Variants in MYOF observed in about 807,000 individuals in gnomAD.
The protein encoded by MYOF is fer-1-like 3, myoferlin.
A neutral mutation model predicts 284.2 loss-of-function variants in MYOF; 244 were observed. The ratio of observed to expected loss-of-function variants is 0.86; its 90% CI spans 0.77 to 0.95. The LOEUF is 0.95. MYOF is among the 40% of genes least tolerant of loss of function. MYOF has a pLI of 0.00. For missense variants in MYOF, 2,496 were observed against 2,560.6 expected, an observed-to-expected ratio of 0.97 and a Z score of 0.54; for synonymous variants, 904 against 919.7, an observed-to-expected ratio of 0.98 and a Z score of 0.31.
intron 37 of MYOF, among the ~76,000 whole-genome samples, chr10:93,344,327 A>G (rs1844069641): frequency 6.6e-6 from 1 of 152,094 alleles, no homozygotes; most frequent in Non-Finnish European, 1.5e-5. Context: ...GATGAATTAT[A>G]TGGTTGTGAA....
rs1184793252 is a variant in MYOF, at chr10:93,351,681, A to AAGTTATCATGCC, written c.3646_3647insGGCATGATAACT (p.Leu1215_Phe1216insTrpHisAspAsn). 3 of 1,585,712 alleles carry AAGTTATCATGCC rather than the reference A, an allele frequency of 1.9e-6. No individual in the cohort carries two copies. The African/African-American group carries it at 4.1e-5, about 22-fold the overall frequency. On this transcript the variant is annotated inframe_insertion, in exon 33 of 54. Coordinates refer to ENST00000359263, the MANE Select transcript of MYOF (RefSeq NM_013451.4). ...ACGACCTACCACTTGGTCATTGTCA[A>AAGTTATCATGCC]AAAGTTCCATGATAACTTTGGGTGG...
chr10:93,345,912 T>C lies in MYOF; in HGVS notation c.4249+1705A>G, dbSNP rs1306061313. Among the ~76,000 whole-genome samples the C allele has an allele frequency of 2.0e-5, 3 of 152,122 alleles. No homozygotes were observed. In the East Asian group the frequency reaches 5.8e-4, roughly 29 times the overall value. Reference sequence around the variant, plus strand: ...TTAGACCCAGCCCACCCCTGAGCAATAGACACAAACAGGTCCACGTAAGTG... The same window carrying C: ...TTAGACCCAGCCCACCCCTGAGCAACAGACACAAACAGGTCCACGTAAGTG... On this transcript the variant is annotated intron_variant, in intron 37 of 53. Transcript: ENST00000359263.
intron 22 of MYOF, among the ~76,000 whole-genome samples, chr10:93,375,730 C>T (rs183035749): frequency 1.3e-5 from 2 of 152,188 alleles, no homozygotes; most frequent in African/African-American, 4.8e-5. Flanking sequence ...TTTATTATCA[C>T]CATCATCTCA....
intron 12 of MYOF, among the ~76,000 whole-genome samples, chr10:93,400,364 C>T (rs1355625462): frequency 1.4e-5 from 2 of 140,284 alleles, no homozygotes; most frequent in African/African-American, 5.3e-5. Context: ...AGTAGTCTTG[C>T]TATGTTGCCC....
intron 12 of MYOF, among the ~76,000 whole-genome samples, chr10:93,400,045 T>C (rs867578717): frequency 2.6e-5 from 4 of 151,872 alleles, no homozygotes; most frequent in Middle Eastern, 3.2e-3. Context: ...TAAAATAAAA[T>C]AAAACAAAAA....
At chr10:93,460,850 C>T (rs756718027) in intron 1 of MYOF, among the ~76,000 whole-genome samples, 1 of 151,580 alleles carries the variant, frequency 6.6e-6, no homozygotes, top group Non-Finnish European at 1.5e-5. Context: ...AATCCCAGCA[C>T]TGTGGGAGGC....
chr10:93,366,932 C>G lies in MYOF; in HGVS notation c.2590-377G>C, dbSNP rs940526967. Reference sequence around the variant, plus strand: ...TTCGCGAACCTTATCTTTTAAATACCTATGAAAGTCCTCAGCTTATGAATG... The same window carrying G: ...TTCGCGAACCTTATCTTTTAAATACGTATGAAAGTCCTCAGCTTATGAATG... On this transcript the variant is annotated intron_variant, in intron 25 of 53. Coordinates refer to ENST00000359263, the MANE Select transcript of MYOF (RefSeq NM_013451.4). Among the ~76,000 whole-genome samples, 14 of 152,090 alleles carry G rather than the reference C, an allele frequency of 9.2e-5. No individual in the cohort carries two copies. In the East Asian group the frequency reaches 2.7e-3, roughly 29 times the overall value.
At chr10:93,384,057 C>T (rs896011382) in intron 19 of MYOF, among the ~76,000 whole-genome samples, 3 of 152,170 alleles carry the variant, frequency 2.0e-5, no homozygotes, top group Non-Finnish European at 4.4e-5. Flanking sequence ...CAGCACAATT[C>T]CCAACAGAGA....
At chr10:93,313,972 A>G (rs564466095) in intron 50 of MYOF, among the ~76,000 whole-genome samples, 1 of 152,248 alleles carries the variant, frequency 6.6e-6, no homozygotes, top group South Asian at 2.1e-4. Context: ...TCCTAGTAAA[A>G]CCTCAGAAAC....
chr10:93,325,848 G>A lies in MYOF; in HGVS notation c.5249C>T (p.Thr1750Ile). 1 of 1,613,994 alleles carries A rather than the reference G, an allele frequency of 6.2e-7. No individual in the cohort carries two copies. Among genetic ancestry groups the A allele is most frequent in the Non-Finnish European group, 8.5e-7 (1 of 1,179,984 alleles). Residue 1750 changes from threonine to isoleucine, a missense_variant, in exon 46 of 54, where the codon ACC becomes ATC. Physicochemically the swap from Thr to Ile is moderately conservative, Grantham distance 89. Around this residue, in one of 3 missense-constraint regions of MYOF, gnomAD observed 2,436 missense variants for 2,480.7 expected, o/e 0.98. Transcript: ENST00000359263. Reference sequence around the variant, plus strand: ...TACCTGGGAAATGTTGGGCTGGAAGGTGCTGTGCAAAGTCCTTGTTTCCAC... The same window carrying A: ...TACCTGGGAAATGTTGGGCTGGAAGATGCTGTGCAAAGTCCTTGTTTCCAC... ...EHVETRTLHS[T>I]FQPNISQGKL...
At chr10:93,470,337 A>G (rs890384392) in intron 1 of MYOF, among the ~76,000 whole-genome samples, 1 of 152,246 alleles carries the variant, frequency 6.6e-6, no homozygotes, top group Non-Finnish European at 1.5e-5. Flanking sequence ...CTTAACAGCC[A>G]GTAAACCATC....
Position 93,323,095 on chromosome 10 carries a change from A to G in MYOF, c.5439T>C (p.Ser1813=). 1.2e-6 allele frequency: 2 copies of G among 1,613,896 alleles called. No homozygotes were observed. Among genetic ancestry groups the G allele is most frequent in the Non-Finnish European group, 1.7e-6 (2 of 1,179,762 alleles). Residue 1813 remains serine (S), a synonymous_variant, in exon 48 of 54, where the codon AGT becomes AGC. Coordinates refer to ENST00000359263, the MANE Select transcript of MYOF (RefSeq NM_013451.4). ...AACCTTACCCTTTGACGTAGATGTC[A>G]CTCATTTCCTCTCCTGTGATGCTTT... ...DEKSITGEEM[S]DIYVKGWIPG...
At chr10:93,443,759 T>C (rs2056347305) in intron 3 of MYOF, among the ~76,000 whole-genome samples, 1 of 152,160 alleles carries the variant, frequency 6.6e-6, no homozygotes, top group Non-Finnish European at 1.5e-5. Flanking sequence ...TGCATGTATT[T>C]TGTTTTAGTT....
intron 44 of MYOF, 72 bp from the exon 45 acceptor site, chr10:93,328,983 C>G (rs1348014593): frequency 8.8e-6 from 13 of 1,479,834 alleles, no homozygotes; most frequent in Non-Finnish European, 1.2e-5. Flanking sequence ...CACATACATG[C>G]TCATGTACTC....
intron 3 of MYOF, among the ~76,000 whole-genome samples, chr10:93,441,001 T>C (rs557934355): frequency 2.3e-4 from 35 of 152,338 alleles, no homozygotes; most frequent in African/African-American, 8.2e-4. Flanking sequence ...ATTGCTCTAA[T>C]ACAGAACTAA....
chr10:93,313,404 C>T (rs1012715906), intron 50 of MYOF, among the ~76,000 whole-genome samples, 194 bp from the exon 51 acceptor site: 2 of 152,120 alleles, frequency 1.3e-5, no homozygotes, highest in Non-Finnish European at 2.9e-5. Context: ...AAGAAATAGC[C>T]GTCCACTGCA....
chr10:93,478,250 G>A, intron 1 of MYOF: 1 of 299,530 alleles, frequency 3.3e-6, no homozygotes, highest in Non-Finnish European at 6.7e-6. Flanking sequence ...AGAGGTCTGT[G>A]TAGTCTAATC....
intron 25 of MYOF, among the ~76,000 whole-genome samples, chr10:93,367,731 C>A (rs770983980): frequency 4.6e-5 from 7 of 151,648 alleles, no homozygotes; most frequent in Non-Finnish European, 8.8e-5. Context: ...TGGCTTTAGT[C>A]AGCAGGACTG....
intron 7 of MYOF, 127 bp downstream of exon 7, chr10:93,408,660 T>C (rs1847745943): frequency 7.8e-7 from 1 of 1,285,906 alleles, no homozygotes; most frequent in African/African-American, 1.5e-5. Flanking sequence ...GTTCACATGG[T>C]CACACCTAGT....
Sources: allele counts gnomAD v4.1 joint callset (sites outside exome capture counted in the v4.1 genomes callset), GRCh38; gene constraint gnomAD v4.1.1; regional missense constraint gnomAD v4.1.1; transcripts MANE v1.5; gene names NCBI Gene and HGNC (gene_info 2026-07-23, HGNC 2026-07-21).